The following DSC2 variants were observed in gnomAD, a reference collection of about 807,000 sequenced individuals.
DSC2 encodes desmocollin 2, also known as desmocollin-2.
Under a neutral mutation model 87.6 loss-of-function variants are expected in DSC2, and 51 were observed. That is an observed-to-expected ratio of 0.58 (90% CI 0.46 to 0.74). The LOEUF (loss-of-function observed/expected upper bound fraction) is 0.74. DSC2 is among the 30% of genes least tolerant of loss of function. DSC2 has a pLI of 0.00. For missense variants in DSC2, 1,066 were observed against 1,089.5 expected (o/e 0.98, Z 0.30); for synonymous variants, 383 against 393.2 (o/e 0.97, Z 0.31).
At chr18:31,098,777 A>G (rs1987844176) in intron 1 of DSC2, among the ~76,000 whole-genome samples, 2 of 152,148 alleles carry the variant, frequency 1.3e-5, no homozygotes, top group African/African-American at 4.8e-5. Context: ...TTTATTTGTC[A>G]ATCCCATTAT....
At chr18:31,101,866 C>G in intron 1 of DSC2, 37 bp downstream of exon 1, 2 of 1,525,882 alleles carry the variant, frequency 1.3e-6, no homozygotes, top group Middle Eastern at 1.7e-4. Context: ...TAGGCGATCG[C>G]CCCCTTCCCC....
At chr18:31,078,666 T>C (rs1987100539) in intron 11 of DSC2, among the ~76,000 whole-genome samples, 1 of 152,108 alleles carries the variant, frequency 6.6e-6, no homozygotes. Context: ...GACAAATCAA[T>C]AATGATTACA....
At chr18:31,085,492 A>T (rs1987367068) in intron 7 of DSC2, among the ~76,000 whole-genome samples, 2 of 151,418 alleles carry the variant, frequency 1.3e-5, no homozygotes, top group South Asian at 4.1e-4. Flanking sequence ...TATATAATTT[A>T]AACTTTCCTT....
intron 1 of DSC2, among the ~76,000 whole-genome samples, chr18:31,096,356 A>G (rs987838871): frequency 6.6e-6 from 1 of 152,224 alleles, no homozygotes; most frequent in Non-Finnish European, 1.5e-5. Flanking sequence ...ACTCAGGAAC[A>G]ACTTCTGATC....
At position 31,059,707 on chromosome 18, in the gene DSC2, G is replaced by A. The variant is rs1393998792; in HGVS notation, c.*8308C>T. The A allele has an allele frequency of 2.0e-5, 3 of 152,058 alleles. No individual in the cohort carries two copies. Among genetic ancestry groups the A allele is most frequent in the Non-Finnish European group, 4.4e-5 (3 of 68,014 alleles). 9.4% of individuals were successfully genotyped at this position (152,058 alleles called of 1,614,324 possible). ...CGAGGATTTATCACTCAATATCTTA[G>A]TGTATTACAGATAGTCTCATATTTA... On this transcript the variant is annotated 3_prime_UTR_variant, in exon 16 of 16. Transcript: ENST00000280904.
intron 13 of DSC2, 61 bp from the exon 14 acceptor site, chr18:31,070,911 C>T: frequency 2.5e-6 from 4 of 1,570,674 alleles, no homozygotes; most frequent in Non-Finnish European, 3.5e-6. Context: ...TATAAATGTA[C>T]AATGGTTAAT....
intron 1 of DSC2, among the ~76,000 whole-genome samples, chr18:31,097,510 C>T (rs1026869060): frequency 2.6e-5 from 4 of 151,532 alleles, no homozygotes; most frequent in African/African-American, 9.8e-5. Context: ...ATAAAAACCT[C>T]CATAAAATTT....
chr18:31,097,275 G>A (rs1261599475), intron 1 of DSC2, among the ~76,000 whole-genome samples: 5 of 148,000 alleles, frequency 3.4e-5, no homozygotes, highest in Admixed American at 2.7e-4. Context: ...GCGACAGAGC[G>A]AGACTCAGTC....
rs1391682477 is a variant in DSC2 at position 31,060,051 on chromosome 18, G to A, written c.*7964C>T. 6 of 152,124 alleles carry A rather than the reference G, an allele frequency of 3.9e-5. No homozygotes were observed. In the South Asian group the frequency reaches 8.3e-4, roughly 21 times the overall value. The allele number at this position is 152,124 out of a possible 1,614,324, so 9.4% of individuals were successfully genotyped here. On this transcript the variant is annotated 3_prime_UTR_variant, in exon 16 of 16. Coordinates refer to ENST00000280904, the MANE Select transcript of DSC2 (RefSeq NM_024422.6). The stretch of plus-strand genomic sequence containing the variant: ...TTTGGATCCACGTCTTTCTGACTGC[G>A]AAGTCTGTGTGTGATCATTGTTTCC...
intron 5 of DSC2, among the ~76,000 whole-genome samples, chr18:31,089,214 A>G (rs549527857): frequency 1.7e-4 from 25 of 149,030 alleles, no homozygotes; most frequent in African/African-American, 4.7e-4. Context: ...GTTGTGGGGG[A>G]AAAAAAAATA....
At chr18:31,090,598 G>A (rs1567982121) in intron 4 of DSC2, among the ~76,000 whole-genome samples, 2 of 152,104 alleles carry the variant, frequency 1.3e-5, no homozygotes, top group African/African-American at 4.8e-5. Flanking sequence ...CAGAGAGAGA[G>A]AGAAAGAAAT....
intron 11 of DSC2, among the ~76,000 whole-genome samples, chr18:31,078,261 T>A (rs947843945): frequency 1.3e-5 from 2 of 152,172 alleles, no homozygotes; most frequent in Non-Finnish European, 2.9e-5. Context: ...ATTCACAAAG[T>A]AAACACATGT....
chr18:31,095,784 T>C (rs1987743032), intron 1 of DSC2, among the ~76,000 whole-genome samples: 1 of 151,940 alleles, frequency 6.6e-6, no homozygotes, highest in Non-Finnish European at 1.5e-5. Flanking sequence ...GATAGGGAAG[T>C]ACAGGGAGCT....
chr18:31,068,798 C>G (rs968411844), intron 15 of DSC2, 96 bp downstream of exon 15: 1 of 1,460,158 alleles, frequency 6.8e-7, no homozygotes, highest in Admixed American at 1.7e-5. Flanking sequence ...TTAGTAGATT[C>G]ATAATTAATT....
At chr18:31,094,915 C>T (rs1987716445) in intron 1 of DSC2, among the ~76,000 whole-genome samples, 2 of 152,164 alleles carry the variant, frequency 1.3e-5, no homozygotes, top group South Asian at 4.1e-4. Context: ...TGGAAGAATA[C>T]ATTCACTTAT....
Position 31,092,086 on chromosome 18 carries a change from T to G in DSC2, c.354+15A>C, listed in dbSNP as rs1303672773. The G allele has an allele frequency of 6.2e-6, 10 of 1,601,664 alleles. No individual in the cohort carries two copies. Among genetic ancestry groups the G allele is most frequent in the Non-Finnish European group, 8.5e-6 (10 of 1,171,120 alleles). ...AGAAAAGATATCATTTCTTCATTTA[T>G]GTAGCCTTGTATACCTTTGTTTGAT... On this transcript the variant is annotated intron_variant, in intron 3 of 15. Coordinates refer to ENST00000280904, the MANE Select transcript of DSC2 (RefSeq NM_024422.6).
At chr18:31,097,544 T>G (rs953695916) in intron 1 of DSC2, among the ~76,000 whole-genome samples, 1 of 151,686 alleles carries the variant, frequency 6.6e-6, no homozygotes, top group Non-Finnish European at 1.5e-5. Context: ...ACAAGCTGAT[T>G]TAAAAGGCTA....
In DSC2 at chr18:31,102,044, G is replaced by C; in HGVS notation, c.-73C>G. ...GAGGGCTCCGCGGGGCGAGGGCCGC[G>C]GCCGGAGCGCAGTCTGGGCCCGCTG... is the stretch of plus-strand genomic sequence containing the variant. On this transcript the variant is annotated 5_prime_UTR_variant, in exon 1 of 16. Coordinates refer to ENST00000280904, the MANE Select transcript of DSC2 (RefSeq NM_024422.6). 1 of 1,295,610 alleles carries C rather than the reference G, an allele frequency of 7.7e-7. No homozygotes were observed. Among genetic ancestry groups the C allele is most frequent in the Non-Finnish European group, 1.0e-6 (1 of 998,796 alleles). 80.3% of individuals were successfully genotyped at this position (1,295,610 alleles called of 1,614,324 possible).
chr18:31,092,842 TTAAAC>T (rs1261672348), intron 2 of DSC2, among the ~76,000 whole-genome samples: 10 of 152,278 alleles, frequency 6.6e-5, no homozygotes, highest in African/African-American at 2.4e-4. Context: ...AACAGTATCT[TTAAAC>T]TAAAAAAAAC....
Sources: allele counts gnomAD v4.1 joint callset (sites outside exome capture counted in the v4.1 genomes callset), GRCh38; gene constraint gnomAD v4.1.1; transcripts MANE v1.5; gene names NCBI Gene and HGNC (gene_info 2026-07-23, HGNC 2026-07-21).